TBC1D5: variants seen among roughly 807,000 people sequenced by gnomAD.
TBC1D5 encodes the protein TBC1 domain family, member 5.
TBC1D5 carries 75 observed loss-of-function variants against 100.3 expected under a neutral mutation model. That is an observed-to-expected ratio of 0.75 (90% confidence interval 0.62 to 0.91). The LOEUF (loss-of-function observed/expected upper bound fraction) is 0.91. Ranked by LOEUF, TBC1D5 falls within the 40% of genes least tolerant of loss-of-function variation. The probability of loss-of-function intolerance (pLI) is 0.00; values close to 1 mark genes in which losing one functional copy is unlikely to be tolerated. For synonymous variants in TBC1D5, 323 were observed against 325.6 expected (o/e 0.99, Z 0.09); for missense variants, 910 against 942.4 (o/e 0.97, Z 0.45).
At chr3:17,381,104 G>C (rs746013249) in intron 9 of TBC1D5, among the ~76,000 whole-genome samples, 2 of 152,002 alleles carry the variant, frequency 1.3e-5, no homozygotes, top group Non-Finnish European at 2.9e-5. Flanking sequence ...TGACACCCAG[G>C]AGTAAGTTAA....
chr3:17,157,998 T>A (rs965960603), exon 22 of TBC1D5: 2 of 152,226 alleles, frequency 1.3e-5, no homozygotes, highest in Admixed American at 6.5e-5. Context: ...TGATATTATT[T>A]CTTTCCGGAT....
intron 2 of TBC1D5, among the ~76,000 whole-genome samples, chr3:17,613,502 A>C (rs1324423116): frequency 6.6e-6 from 1 of 152,150 alleles, no homozygotes; most frequent in Non-Finnish European, 1.5e-5. Flanking sequence ...ACTCCCATCA[A>C]CAGTGTAAAA....
chr3:17,476,549 T>G (rs971109220), intron 3 of TBC1D5, among the ~76,000 whole-genome samples: 1 of 132,236 alleles, frequency 7.6e-6, no homozygotes. Flanking sequence ...AATGTGCATG[T>G]TTTTTTTCAG....
chr3:17,354,687 T>C (rs1248286929), intron 13 of TBC1D5, among the ~76,000 whole-genome samples: 2 of 151,742 alleles, frequency 1.3e-5, no homozygotes, highest in Non-Finnish European at 2.9e-5. Flanking sequence ...CTGTAATTTT[T>C]ACAACTAGAG....
chr3:17,682,858 C>A (rs2153813648), intron 1 of TBC1D5, among the ~76,000 whole-genome samples: 1 of 151,520 alleles, frequency 6.6e-6, no homozygotes, highest in Middle Eastern at 3.4e-3. Context: ...AGTACCCTAC[C>A]GGTCACATAG....
intron 2 of TBC1D5, among the ~76,000 whole-genome samples, chr3:17,585,037 C>T (rs1473189207): frequency 6.6e-6 from 1 of 152,136 alleles, no homozygotes; most frequent in Non-Finnish European, 1.5e-5. Context: ...GCAATCTGTT[C>T]ACCTCAGCCT....
chr3:17,418,749 T>C (rs1393953257), intron 4 of TBC1D5, among the ~76,000 whole-genome samples: 1 of 152,202 alleles, frequency 6.6e-6, no homozygotes, highest in African/African-American at 2.4e-5. Context: ...TGGGTCACAT[T>C]AGCTGTCTTC....
intron 2 of TBC1D5, among the ~76,000 whole-genome samples, chr3:17,614,569 G>C (rs1237312683): frequency 6.6e-6 from 1 of 152,182 alleles, no homozygotes; most frequent in Non-Finnish European, 1.5e-5. Context: ...TCGTTGAGCA[G>C]TGGTTTGTAG....
intron 2 of TBC1D5, among the ~76,000 whole-genome samples, chr3:17,560,794 G>A (rs755183153): frequency 6.0e-5 from 9 of 151,028 alleles, no homozygotes; most frequent in Non-Finnish European, 1.0e-4. Context: ...GGTGGCCCGC[G>A]TCTGTAATCC....
At chr3:17,700,599 C>T (rs2073009399) in intron 1 of TBC1D5, among the ~76,000 whole-genome samples, 1 of 152,130 alleles carries the variant, frequency 6.6e-6, no homozygotes, top group Non-Finnish European at 1.5e-5. Flanking sequence ...GAGCTAATAT[C>T]CAGAATCTAC....
At chr3:17,260,164 A>G (rs2078140290) in intron 15 of TBC1D5, among the ~76,000 whole-genome samples, 1 of 152,202 alleles carries the variant, frequency 6.6e-6, no homozygotes, top group African/African-American at 2.4e-5. Flanking sequence ...TATTTTAAAA[A>G]TTAACTTTCG....
intron 1 of TBC1D5, among the ~76,000 whole-genome samples, chr3:17,636,264 A>G (rs913676389): frequency 6.6e-6 from 1 of 152,204 alleles, no homozygotes; most frequent in Admixed American, 6.5e-5. Flanking sequence ...CAGTAATGAG[A>G]GAAAAGTTAA....
At chr3:17,394,175 A>T (rs190730360) in intron 8 of TBC1D5, among the ~76,000 whole-genome samples, 1 of 152,270 alleles carries the variant, frequency 6.6e-6, no homozygotes, top group East Asian at 1.9e-4. Flanking sequence ...ATATAAACCC[A>T]GAAGGCAGAA....
chr3:17,683,881 T>G (rs2069863877), intron 1 of TBC1D5, among the ~76,000 whole-genome samples: 1 of 152,184 alleles, frequency 6.6e-6, no homozygotes, highest in African/African-American at 2.4e-5. Context: ...AAAGTCTACA[T>G]TAATGTCTCT....
intron 21 of TBC1D5, among the ~76,000 whole-genome samples, chr3:17,164,272 T>C (rs6765154): frequency 0.32 from 48,128 of 152,160 alleles, 8,200 homozygotes; most frequent in East Asian, 0.57. Flanking sequence ...AGGAGGACCA[T>C]GAGCCATGTG....
At chr3:17,718,416 T>C (rs1167313184) in intron 1 of TBC1D5, among the ~76,000 whole-genome samples, 1 of 152,008 alleles carries the variant, frequency 6.6e-6, no homozygotes, top group Non-Finnish European at 1.5e-5. Flanking sequence ...GCTAACATGG[T>C]GAAACCCCGT....
chr3:17,675,258 G>A (rs1026159918), intron 1 of TBC1D5, among the ~76,000 whole-genome samples: 1 of 152,006 alleles, frequency 6.6e-6, no homozygotes, highest in East Asian at 1.9e-4. Flanking sequence ...ACACTGTTAA[G>A]TAACTTTATC....
intron 4 of TBC1D5, among the ~76,000 whole-genome samples, chr3:17,417,323 T>C (rs936970390): frequency 6.6e-6 from 1 of 151,220 alleles, no homozygotes; most frequent in Non-Finnish European, 1.5e-5. Flanking sequence ...GTATATCTCC[T>C]AATGCTATCC....
At chr3:17,454,188 G>A (rs1280783874) in intron 3 of TBC1D5, among the ~76,000 whole-genome samples, 1 of 152,028 alleles carries the variant, frequency 6.6e-6, no homozygotes, top group Non-Finnish European at 1.5e-5. Context: ...AAAATTGAAA[G>A]CCTTTTCTTT....
Sources: allele counts gnomAD v4.1 joint callset (sites outside exome capture counted in the v4.1 genomes callset), GRCh38; gene constraint gnomAD v4.1.1; transcripts MANE v1.5; gene names NCBI Gene and HGNC (gene_info 2026-07-23, HGNC 2026-07-21).